Variants in ACCSL observed in about 807,000 individuals in gnomAD.
ACCSL encodes probable inactive 1-aminocyclopropane-1-carboxylate synthase-like protein 2.
In ACCSL, 55 loss-of-function variants were observed where a neutral mutation model predicts 61.7. The observed-to-expected ratio is 0.89, with a 90% CI of 0.72 to 1.12. The LOEUF (loss-of-function observed/expected upper bound fraction) is 1.12. Ranked by LOEUF, ACCSL falls within the 50% of genes most tolerant of loss-of-function variation. The probability of loss-of-function intolerance (pLI) is 0.00; values close to 1 mark genes in which losing one functional copy is unlikely to be tolerated. For synonymous variants in ACCSL, 258 were observed against 264.3 expected, an observed-to-expected ratio of 0.98 and a Z score of 0.23; for missense variants, 632 against 698.0, an observed-to-expected ratio of 0.91 and a Z score of 1.07.
chr11:43,927,245 A>G, the ACCSL span, among the ~76,000 whole-genome samples: 1 of 152,158 alleles, frequency 6.6e-6, no homozygotes, highest in Admixed American at 6.5e-5. Flanking sequence ...TTGTTATTTA[A>G]CCAGTTCCTT....
At chr11:44,035,689 G>C in the ACCSL span, among the ~76,000 whole-genome samples, 3 of 152,148 alleles carry the variant, frequency 2.0e-5, no homozygotes, top group African/African-American at 7.2e-5. Flanking sequence ...TGTAATCTCA[G>C]CGCTTTGGGA....
At chr11:44,010,138 T>G in the ACCSL span, among the ~76,000 whole-genome samples, 3 of 152,142 alleles carry the variant, frequency 2.0e-5, no homozygotes, top group Non-Finnish European at 4.4e-5. Flanking sequence ...GTCAGGAGTT[T>G]GAGACCAGCC....
At chr11:44,018,202 A>T in the ACCSL span, among the ~76,000 whole-genome samples, 1 of 152,054 alleles carries the variant, frequency 6.6e-6, no homozygotes, top group East Asian at 1.9e-4. Flanking sequence ...GTACTTAAGG[A>T]GACCAAAGAT....
At chr11:44,017,003 G>T in the ACCSL span, among the ~76,000 whole-genome samples, 1 of 152,194 alleles carries the variant, frequency 6.6e-6, no homozygotes, top group African/African-American at 2.4e-5. Context: ...CAATGAGCAA[G>T]TATTTATAGA....
the ACCSL span, among the ~76,000 whole-genome samples, chr11:44,016,423 A>T: frequency 6.6e-6 from 1 of 152,072 alleles, no homozygotes; most frequent in African/African-American, 2.4e-5. Context: ...GGGCGAGCAG[A>T]TATTCTGGAG....
chr11:44,014,417 C>T, the ACCSL span, among the ~76,000 whole-genome samples: 1 of 151,530 alleles, frequency 6.6e-6, no homozygotes, highest in Non-Finnish European at 1.5e-5. Context: ...CCATAGGCTG[C>T]CTGAGGGTCA....
the ACCSL span, among the ~76,000 whole-genome samples, chr11:44,032,978 A>G: frequency 6.6e-6 from 1 of 152,230 alleles, no homozygotes; most frequent in Non-Finnish European, 1.5e-5. Flanking sequence ...AGGAGTCGGC[A>G]GGAACTCCCT....
chr11:44,027,391 G>T, the ACCSL span, among the ~76,000 whole-genome samples: 3 of 152,178 alleles, frequency 2.0e-5, no homozygotes, highest in East Asian at 5.8e-4. Flanking sequence ...GAATCTTCCA[G>T]TTCTGCTTTT....
At chr11:44,040,002 G>C in the ACCSL span, among the ~76,000 whole-genome samples, 12 of 152,236 alleles carry the variant, frequency 7.9e-5, no homozygotes, top group African/African-American at 2.7e-4. Flanking sequence ...CTTTAACAAG[G>C]AGAAACTGAA....
the ACCSL span, among the ~76,000 whole-genome samples, chr11:43,956,990 A>G: frequency 4.1e-3 from 619 of 152,262 alleles, 18 homozygotes; most frequent in East Asian, 0.076. Context: ...TTTACATAAG[A>G]TAAGGTGAAG....
At chr11:43,984,900 C>G in the ACCSL span, among the ~76,000 whole-genome samples, 1 of 152,214 alleles carries the variant, frequency 6.6e-6, no homozygotes, top group African/African-American at 2.4e-5. Flanking sequence ...AGGGGCTCTT[C>G]GAGGCCACCA....
rs1952626575 is a variant in ACCSL, at chr11:44,050,042, TG to T, written c.505-18del. On this transcript the variant is annotated intron_variant, in intron 1 of 13. Transcript: ENST00000378832. Reference sequence around the variant, plus strand: ...TGGAGCAAGAGGACTGACCTGATCTTGGATTCCTTCCATCTCCAGGGTTTCA... The same window carrying T: ...TGGAGCAAGAGGACTGACCTGATCTTGATTCCTTCCATCTCCAGGGTTTCA... 1 of 1,614,054 alleles carries T rather than the reference TG, an allele frequency of 6.2e-7. No homozygotes were observed. The highest frequency in any genetic ancestry group is 1.3e-5 in the African/African-American group (1 of 74,934).
At position 44,053,480 on chromosome 11, in the gene ACCSL, G is replaced by A; in HGVS notation, c.1023G>A (p.Leu341=). 8 of 1,614,132 alleles carry A rather than the reference G, an allele frequency of 5.0e-6. No individual in the cohort carries two copies. Among genetic ancestry groups the A allele is most frequent in the Non-Finnish European group, 5.9e-6 (7 of 1,179,998 alleles). Reference sequence around the variant, plus strand: ...GTGACATCTACTCCCCAGACTCACTGATGAAATACCTGGAATTTGCCAAGA... The same window carrying A: ...GTGACATCTACTCCCCAGACTCACTAATGAAATACCTGGAATTTGCCAAGA... ...PLGDIYSPDS[L]MKYLEFAKRY... Residue 341 remains leucine, a synonymous_variant, in exon 8 of 14, where the codon CTG becomes CTA. Coordinates refer to ENST00000378832, the MANE Select transcript of ACCSL (RefSeq NM_001031854.2).
chr11:44,032,049 T>C, the ACCSL span, among the ~76,000 whole-genome samples: 1 of 152,222 alleles, frequency 6.6e-6, no homozygotes, highest in Non-Finnish European at 1.5e-5. Flanking sequence ...TTCAAATTTC[T>C]ATTGCTGTGT....
the ACCSL span, among the ~76,000 whole-genome samples, chr11:43,971,122 C>T: frequency 6.6e-6 from 1 of 151,934 alleles, no homozygotes; most frequent in Admixed American, 6.6e-5. Flanking sequence ...AACTTGAGGT[C>T]AGGAGTTCAA....
At chr11:43,996,233 C>T in the ACCSL span, among the ~76,000 whole-genome samples, 61,175 of 152,070 alleles carry the variant, frequency 0.4, 13,220 homozygotes, top group Middle Eastern at 0.54. Flanking sequence ...AAGCCCCCCA[C>T]TGGTAGTACT....
At chr11:43,925,432 G>A in the ACCSL span, 9 of 456,074 alleles carry the variant, frequency 2.0e-5, no homozygotes, top group Non-Finnish European at 3.5e-5. Context: ...GCACCAGCCA[G>A]GTGGCTGGAT....
the ACCSL span, among the ~76,000 whole-genome samples, chr11:43,938,645 A>G: frequency 6.6e-6 from 1 of 152,138 alleles, no homozygotes; most frequent in African/African-American, 2.4e-5. Flanking sequence ...CTCTACAAAA[A>G]TACAAAAATT....
chr11:43,977,937 A>T, the ACCSL span, among the ~76,000 whole-genome samples: 1 of 152,036 alleles, frequency 6.6e-6, no homozygotes, highest in Admixed American at 6.6e-5. Context: ...CTTAATGGAC[A>T]ACCAACAAGT....
Sources: allele counts gnomAD v4.1 joint callset (sites outside exome capture counted in the v4.1 genomes callset), GRCh38; gene constraint gnomAD v4.1.1; transcripts MANE v1.5; gene names NCBI Gene and HGNC (gene_info 2026-07-23, HGNC 2026-07-21).